TIGAR: variants seen among roughly 807,000 people sequenced by gnomAD.
TIGAR encodes the protein fructose-2,6-bisphosphatase TIGAR.
A neutral mutation model predicts 17.9 loss-of-function variants in TIGAR; 7 were observed. The observed-to-expected ratio is 0.39, with a 90% CI of 0.22 to 0.73. The LOEUF (loss-of-function observed/expected upper bound fraction) is 0.73, where lower values mean the gene tolerates loss of function less well. TIGAR is among the 30% of genes least tolerant of loss of function. The pLI is 0.42. For missense variants in TIGAR, 258 were observed against 327.4 expected, an observed-to-expected ratio of 0.79 and a Z score of 1.64; for synonymous variants, 94 against 108.6, an observed-to-expected ratio of 0.87 and a Z score of 0.84.
chr12:4,321,279 G>C lies in TIGAR; in HGVS notation c.8G>C (p.Arg3Pro), dbSNP rs751397283. ...GGACGCGGCTCCGGGAACATGGCTC[G>C]CTTCGCTCTGACTGTTGTCCGGCAG... Reference protein sequence around the residue: MARFALTVVRHGE... With the variant: MAPFALTVVRHGE... The change falls in exon 1 of 6, where the codon CGC becomes CCC. Residue 3 changes from arginine (R) to proline (P), a missense_variant. Physicochemically the swap from Arg to Pro is moderately radical, Grantham distance 103. Transcript: ENST00000179259. This position sits in a 1 kb window ranked among gnomAD's most constrained non-coding sequence, Gnocchi z 5.2. 6.2e-7 allele frequency: 1 copy of C among 1,601,092 alleles called. No individual in the cohort carries two copies. Among genetic ancestry groups the C allele is most frequent in the African/African-American group, 1.3e-5 (1 of 74,928 alleles).
Position 4,351,369 on chromosome 12 carries a change from C to T in TIGAR, c.373C>T (p.Leu125=), listed in dbSNP as rs949859999. The T allele has an allele frequency of 6.2e-7, 1 of 1,613,932 alleles. No homozygotes were observed. Among genetic ancestry groups the T allele is most frequent in the Admixed American group, 1.7e-5 (1 of 60,006 alleles). The change falls in exon 5 of 6, where the codon CTG becomes TTG. Residue 125 remains leucine, a synonymous_variant. Transcript: ENST00000179259. ...PVFTPPGGET[L]DQVKMRGIDF... ...GTTTACACCGCCCGGAGGAGAGACG[C>T]TGGACCAGGTATGTGGCGCTGCCGA...
Position 4,338,975 on chromosome 12 carries a change from C to CAAAAAAAAAAAAAAAAAA in TIGAR, c.192+1816_192+1817insAAAAAAAAAAAAAAAAAA, listed in dbSNP as rs199840929. The stretch of plus-strand genomic sequence containing the variant: ...TGGGCAACAAAGCAAAACTTTGTCT[C>CAAAAAAAAAAAAAAAAAA]ACAAAAAAAAAAAAAAAAAAAAAGA... On this transcript the variant is annotated intron_variant, in intron 3 of 5. Transcript: ENST00000179259. Among the ~76,000 whole-genome samples the CAAAAAAAAAAAAAAAAAA allele has an allele frequency of 3.4e-4, 13 of 38,180 alleles. 3 individuals carry two copies. In the East Asian group the frequency reaches 6.7e-3, roughly 20 times the overall value. 25.0% of individuals were successfully genotyped at this position (38,180 alleles called of 152,430 possible).
intron 1 of TIGAR, among the ~76,000 whole-genome samples, chr12:4,328,895 C>T (rs991482169): frequency 2.0e-5 from 3 of 152,080 alleles, no homozygotes; most frequent in Non-Finnish European, 2.9e-5. Flanking sequence ...AATTTTATTT[C>T]TTTATCATAC....
chr12:4,325,607 T>C (rs1052430066), intron 1 of TIGAR, among the ~76,000 whole-genome samples: 8 of 151,912 alleles, frequency 5.3e-5, no homozygotes, highest in Non-Finnish European at 7.4e-5. Flanking sequence ...CTGGGCGTAG[T>C]GGCACTCGCC....
intron 3 of TIGAR, among the ~76,000 whole-genome samples, chr12:4,341,485 C>A (rs1864720654): frequency 6.6e-6 from 1 of 152,184 alleles, no homozygotes; most frequent in Non-Finnish European, 1.5e-5. Context: ...TGGGAGGCAC[C>A]CCCCAGTAGG....
intron 3 of TIGAR, among the ~76,000 whole-genome samples, chr12:4,345,506 G>A (rs1042075844): frequency 1.1e-4 from 17 of 152,132 alleles, no homozygotes; most frequent in African/African-American, 3.6e-4. Context: ...CAAGAAATGG[G>A]GAAAGGATTC....
intron 3 of TIGAR, among the ~76,000 whole-genome samples, chr12:4,342,879 C>A (rs942749172): frequency 1.3e-5 from 2 of 152,222 alleles, no homozygotes; most frequent in African/African-American, 4.8e-5. Context: ...CAAATTCACA[C>A]ATAACAATAT....
chr12:4,352,242 T>A lies in TIGAR; in HGVS notation c.382-18T>A. 1 of 1,591,564 alleles carries A rather than the reference T, an allele frequency of 6.3e-7. No homozygotes were observed. The highest frequency in any genetic ancestry group is 8.5e-7 in the Non-Finnish European group (1 of 1,169,688). Reference sequence around the variant, plus strand: ...CATTAATGTCACTTTATTTTGACTTTTATTTCTTTTCTTGTAGGTGAAAAT... The same window carrying A: ...CATTAATGTCACTTTATTTTGACTTATATTTCTTTTCTTGTAGGTGAAAAT... On this transcript the variant is annotated intron_variant, in intron 5 of 5. Transcript: ENST00000179259.
At chr12:4,350,669 C>G (rs1176968681) in intron 4 of TIGAR, among the ~76,000 whole-genome samples, 1 of 150,962 alleles carries the variant, frequency 6.6e-6, no homozygotes, top group Admixed American at 6.6e-5. Context: ...CCCAGCTACT[C>G]GGGAGGCTGA....
rs980854512 is a variant in TIGAR, at chr12:4,359,615, C to T, written c.*6924C>T. Among the ~76,000 whole-genome samples, 1 of 152,116 alleles carries T rather than the reference C, an allele frequency of 6.6e-6. No individual in the cohort carries two copies. Among genetic ancestry groups the T allele is most frequent in the African/African-American group, 2.4e-5 (1 of 41,420 alleles). ...TGTTTATTCTTCCATTGACGGAACA[C>T]AAGGACCATTTCTAGTTTGGAGCTA... On this transcript the variant is annotated 3_prime_UTR_variant, in exon 6 of 6. Coordinates refer to ENST00000179259, the MANE Select transcript of TIGAR (RefSeq NM_020375.3).
At chr12:4,333,549 A>C (rs532239182) in intron 2 of TIGAR, among the ~76,000 whole-genome samples, 5 of 152,064 alleles carry the variant, frequency 3.3e-5, no homozygotes, top group Non-Finnish European at 7.4e-5. Context: ...GGCTCCTGCA[A>C]CCTCCACCTC....
At chr12:4,345,648 T>TA (rs1354766962) in intron 3 of TIGAR, among the ~76,000 whole-genome samples, 1 of 152,150 alleles carries the variant, frequency 6.6e-6, no homozygotes, top group African/African-American at 2.4e-5. Flanking sequence ...CCTAAAACCA[T>TA]AAAAACCCTA....
chr12:4,349,280 AGAT>A (rs1396311081), intron 3 of TIGAR, among the ~76,000 whole-genome samples: 5 of 152,350 alleles, frequency 3.3e-5, no homozygotes, highest in Admixed American at 1.3e-4. Context: ...TTGCAAAAGC[AGAT>A]GATGGTCTGG....
intron 2 of TIGAR, among the ~76,000 whole-genome samples, chr12:4,333,661 G>T (rs1355851080): frequency 1.3e-5 from 2 of 152,136 alleles, no homozygotes; most frequent in Non-Finnish European, 2.9e-5. Context: ...TAGAGACGGG[G>T]TTTTACCACA....
intron 2 of TIGAR, among the ~76,000 whole-genome samples, chr12:4,333,870 G>T (rs1448740786): frequency 2.0e-5 from 3 of 152,212 alleles, no homozygotes; most frequent in Non-Finnish European, 4.4e-5. Flanking sequence ...AAAGTGTTGG[G>T]ATTACAGGCG....
Position 4,353,885 on chromosome 12 carries a change from T to C in TIGAR, c.*1194T>C, listed in dbSNP as rs1313709061. 1.3e-5 allele frequency: 2 copies of C among 152,596 alleles called. No individual in the cohort carries two copies. Among genetic ancestry groups the C allele is most frequent in the Admixed American group, 6.6e-5 (1 of 15,260 alleles). The allele number at this position is 152,596 out of a possible 1,614,324, so 9.5% of individuals were successfully genotyped here. On this transcript the variant is annotated 3_prime_UTR_variant, in exon 6 of 6. Coordinates refer to ENST00000179259, the MANE Select transcript of TIGAR (RefSeq NM_020375.3). ...GGTTGGGGGGGAGAGAATGTTGCTC[T>C]GATAACCACAGCTGTGGTTATTTTG... is the stretch of plus-strand genomic sequence containing the variant.
chr12:4,322,278 T>G (rs929863038), intron 1 of TIGAR, among the ~76,000 whole-genome samples: 1 of 152,226 alleles, frequency 6.6e-6, no homozygotes, highest in African/African-American at 2.4e-5. Context: ...ATTACAGGCA[T>G]GAGCCACCGC....
chr12:4,357,839 C>T lies in TIGAR; in HGVS notation c.*5148C>T, dbSNP rs934614127. Among the ~76,000 whole-genome samples the T allele has an allele frequency of 9.2e-5, 14 of 152,112 alleles. No homozygotes were observed. The highest frequency in any genetic ancestry group is 1.7e-4 in the African/African-American group (7 of 41,420). On this transcript the variant is annotated 3_prime_UTR_variant, in exon 6 of 6. Transcript: ENST00000179259. ...GCTGAGGTGGCTGGGCGTGGTGGCTCGCACCTGTAATCCCAGCACTTTGGG... is the reference window on the plus strand; with the variant it reads ...GCTGAGGTGGCTGGGCGTGGTGGCTTGCACCTGTAATCCCAGCACTTTGGG...
At chr12:4,335,182 C>T (rs1591661282) in intron 2 of TIGAR, among the ~76,000 whole-genome samples, 1 of 152,046 alleles carries the variant, frequency 6.6e-6, no homozygotes, top group Non-Finnish European at 1.5e-5. Context: ...GGATTACAGG[C>T]GTGCTCCACC....
Sources: allele counts gnomAD v4.1 joint callset (sites outside exome capture counted in the v4.1 genomes callset), GRCh38; gene constraint gnomAD v4.1.1; non-coding constraint Gnocchi (gnomAD v3.1); transcripts MANE v1.5; gene names NCBI Gene and HGNC (gene_info 2026-07-23, HGNC 2026-07-21).